TSPAN32: variants seen among roughly 807,000 people sequenced by gnomAD.
TSPAN32 encodes tetraspanin-32.
A neutral mutation model predicts 42.7 loss-of-function variants in TSPAN32; 47 were observed. The observed-to-expected ratio is 1.10, with a 90% CI of 0.87 to 1.40. The LOEUF is 1.40. Ranked by LOEUF, TSPAN32 falls within the 40% of genes most tolerant of loss-of-function variation. The pLI is 0.00. For missense variants in TSPAN32, 469 were observed against 424.1 expected (o/e 1.11, Z -0.93); for synonymous variants, 175 against 175.9 (o/e 0.99, Z 0.04).
At chr11:2,306,517 T>C (rs1471685812) in intron 3 of TSPAN32, among the ~76,000 whole-genome samples, 1 of 151,402 alleles carries the variant, frequency 6.6e-6, no homozygotes, top group Admixed American at 6.6e-5. Flanking sequence ...CCCAAGATCC[T>C]CTCTGCGCGG....
intron 4 of TSPAN32, among the ~76,000 whole-genome samples, chr11:2,311,971 C>T (rs1336229081): frequency 6.6e-6 from 1 of 151,880 alleles, no homozygotes; most frequent in Non-Finnish European, 1.5e-5. Flanking sequence ...CCTCGCTGAG[C>T]TCTGCTTCCC....
chr11:2,305,240 C>G (rs1230807558), intron 3 of TSPAN32, among the ~76,000 whole-genome samples: 1 of 152,216 alleles, frequency 6.6e-6, no homozygotes, highest in Non-Finnish European at 1.5e-5. Flanking sequence ...GAGGACCCAG[C>G]AGCTCCAGCA....
At chr11:2,314,060 C>T (rs1264763911) in intron 5 of TSPAN32, among the ~76,000 whole-genome samples, 10 of 151,768 alleles carry the variant, frequency 6.6e-5, no homozygotes, top group African/African-American at 2.4e-4. Flanking sequence ...TGGCTCACAC[C>T]TGTAATCCCA....
In TSPAN32 at chr11:2,313,409, G is replaced by T. The variant is rs926114511; in HGVS notation, c.355-245G>T. Among the ~76,000 whole-genome samples, 1 of 152,332 alleles carries T rather than the reference G, an allele frequency of 6.6e-6. No homozygotes were observed. Among genetic ancestry groups the T allele is most frequent in the Non-Finnish European group, 1.5e-5 (1 of 68,038 alleles). ...TCTGCTTTATCCTGCGGGACCCTCTGGGGGCAGGAGGGCCACTCTGACGGC... is the reference window on the plus strand; with the variant it reads ...TCTGCTTTATCCTGCGGGACCCTCTTGGGGCAGGAGGGCCACTCTGACGGC... On this transcript the variant is annotated intron_variant, in intron 4 of 9. Transcript: ENST00000182290. This position sits in a 1 kb window ranked among gnomAD's most constrained non-coding sequence, Gnocchi z 9.1.
intron 1 of TSPAN32, 23 bp from the exon 2 acceptor site, chr11:2,302,821 C>A: frequency 1.2e-6 from 2 of 1,603,724 alleles, no homozygotes; most frequent in Non-Finnish European, 1.7e-6. Flanking sequence ...ATGCCCCACA[C>A]TCTGAGTCTG....
chr11:2,305,342 A>C (rs1162875590), intron 3 of TSPAN32, among the ~76,000 whole-genome samples: 2 of 137,850 alleles, frequency 1.5e-5, no homozygotes, highest in African/African-American at 5.5e-5. Flanking sequence ...GGGAGGCCCC[A>C]GTGGGGAGAT....
In TSPAN32 at chr11:2,304,265, A is replaced by G; in HGVS notation, c.279+61A>G. On this transcript the variant is annotated intron_variant, in intron 3 of 9. Transcript: ENST00000182290. The surrounding 1 kb of genome is among the most constrained non-coding windows in gnomAD (Gnocchi z 4.8). ...AGAAAAGAATTAGAAAGGAGTGAAG[A>G]GCTGGCAGGGCTGTGTGCCACCCCC... 1 of 1,269,596 alleles carries G rather than the reference A, an allele frequency of 7.9e-7. No individual in the cohort carries two copies. The highest frequency in any genetic ancestry group is 1.5e-5 in the South Asian group (1 of 68,748). The allele number at this position is 1,269,596 out of a possible 1,614,324, so 78.6% of individuals were successfully genotyped here.
chr11:2,307,526 G>T (rs995493589), intron 3 of TSPAN32, among the ~76,000 whole-genome samples: 2 of 151,900 alleles, frequency 1.3e-5, no homozygotes, highest in African/African-American at 2.4e-5. Context: ...TGAAGGCAAA[G>T]GCGGCTGCCC....
Position 2,304,298 on chromosome 11 carries a change from A to C in TSPAN32, c.279+94A>C. 1 of 924,686 alleles carries C rather than the reference A, an allele frequency of 1.1e-6. No homozygotes were observed. Among genetic ancestry groups the C allele is most frequent in the Non-Finnish European group, 1.6e-6 (1 of 634,492 alleles). 57.3% of individuals were successfully genotyped at this position (924,686 alleles called of 1,614,324 possible). ...GGGCTGTGTGCCACCCCCACACCTG[A>C]GTGACCAGGCAGAACCAGAGGCCCC... On this transcript the variant is annotated intron_variant, in intron 3 of 9. Coordinates refer to ENST00000182290, the MANE Select transcript of TSPAN32 (RefSeq NM_139022.3). The surrounding 1 kb of genome is among the most constrained non-coding windows in gnomAD (Gnocchi z 4.8).
chr11:2,305,375 C>CG (rs1564956248), intron 3 of TSPAN32, among the ~76,000 whole-genome samples: 2 of 149,500 alleles, frequency 1.3e-5, no homozygotes, highest in Admixed American at 6.7e-5. Flanking sequence ...AGTCTGCCCC[C>CG]CCCCCCAGAG....
Position 2,314,465 on chromosome 11 carries a change from C to A in TSPAN32, c.457-20C>A. ...GGGTCTCGGGAGCACATCACCACTC[C>A]CTCCCTTCTGTTCCTGTAGTTTCTG... On this transcript the variant is annotated intron_variant, in intron 5 of 9. Transcript: ENST00000182290. 1 of 1,600,202 alleles carries A rather than the reference C, an allele frequency of 6.2e-7. No homozygotes were observed. The highest frequency in any genetic ancestry group is 2.2e-5 in the East Asian group (1 of 44,550).
Position 2,304,755 on chromosome 11 carries a change from C to T in TSPAN32, c.279+551C>T, listed in dbSNP as rs1358637369. Among the ~76,000 whole-genome samples, 2 of 152,078 alleles carry T rather than the reference C, an allele frequency of 1.3e-5. No individual in the cohort carries two copies. Among genetic ancestry groups the T allele is most frequent in the African/African-American group, 4.8e-5 (2 of 41,398 alleles). On this transcript the variant is annotated intron_variant, in intron 3 of 9. Coordinates refer to ENST00000182290, the MANE Select transcript of TSPAN32 (RefSeq NM_139022.3). This position sits in a 1 kb window ranked among gnomAD's most constrained non-coding sequence, Gnocchi z 4.8. ...TCCCATAGGCCCCTCCACCCCACCC[C>T]ATAGCAGTGGCCTCTTGTCACCCTC...
rs938889391 is a variant in TSPAN32, at chr11:2,317,342, A to G, written c.720-2A>G. ...CAGCCCCATGATCCCCTTGCTCCTC[A>G]GAGCATGTGGCCGCCAGCCCCAGGA... is the stretch of plus-strand genomic sequence containing the variant. On this transcript the variant is annotated splice_acceptor_variant, in intron 8 of 9. Transcript: ENST00000182290. LOFTEE classifies it high-confidence loss of function. This position sits in a 1 kb window ranked among gnomAD's most constrained non-coding sequence, Gnocchi z 6.2. 1.5e-5 allele frequency: 23 copies of G among 1,585,142 alleles called. No homozygotes were observed. Among genetic ancestry groups the G allele is most frequent in the Non-Finnish European group, 1.9e-5 (22 of 1,165,844 alleles).
At chr11:2,305,374 C>CCA (rs1554938611) in intron 3 of TSPAN32, among the ~76,000 whole-genome samples, 3 of 149,480 alleles carry the variant, frequency 2.0e-5, no homozygotes, top group African/African-American at 7.4e-5. Flanking sequence ...TAGTCTGCCC[C>CCA]CCCCCCCAGA....
Position 2,313,943 on chromosome 11 carries a change from G to A in TSPAN32, c.456+188G>A, listed in dbSNP as rs1414308481. ...CCCTCTGTCTGCCCAGGACAAGGCC[G>A]CCTACCAGATTCTCGAGGCCCAGTG... On this transcript the variant is annotated intron_variant, in intron 5 of 9. Transcript: ENST00000182290. The surrounding 1 kb of genome is among the most constrained non-coding windows in gnomAD (Gnocchi z 9.1). Among the ~76,000 whole-genome samples the A allele has an allele frequency of 3.9e-5, 6 of 152,060 alleles. No homozygotes were observed. Among genetic ancestry groups the A allele is most frequent in the Admixed American group, 6.5e-5 (1 of 15,282 alleles).
At chr11:2,309,468 G>A (rs926900777) in intron 4 of TSPAN32, 28 of 422,236 alleles carry the variant, frequency 6.6e-5, no homozygotes, top group Non-Finnish European at 1.0e-4. Context: ...ATGAGAGCTC[G>A]GTAGCAGAGC....
In TSPAN32 at chr11:2,317,254, C is replaced by T; in HGVS notation, c.720-90C>T. ...CCCCTCCAGAACATTCTGCAACAGC[C>T]CCATGATCCCCTCTAGAACATTCCA... On this transcript the variant is annotated intron_variant, in intron 8 of 9. Transcript: ENST00000182290. This position sits in a 1 kb window ranked among gnomAD's most constrained non-coding sequence, Gnocchi z 6.2. 1 of 1,017,280 alleles carries T rather than the reference C, an allele frequency of 9.8e-7. No individual in the cohort carries two copies. 63.0% of individuals were successfully genotyped at this position (1,017,280 alleles called of 1,614,324 possible).
chr11:2,311,739 G>A (rs1329214707), intron 4 of TSPAN32, among the ~76,000 whole-genome samples: 3 of 152,212 alleles, frequency 2.0e-5, no homozygotes, highest in African/African-American at 7.2e-5. Flanking sequence ...AAAAGCCCCC[G>A]GGCACCGGAA....
Position 2,313,585 on chromosome 11 carries a change from C to T in TSPAN32, c.355-69C>T, listed in dbSNP as rs1222310952. 1.0e-5 allele frequency: 13 copies of T among 1,279,170 alleles called. No homozygotes were observed. The highest frequency in any genetic ancestry group is 5.2e-5 in the South Asian group (4 of 77,328). The allele number at this position is 1,279,170 out of a possible 1,614,324, so 79.2% of individuals were successfully genotyped here. On this transcript the variant is annotated intron_variant, in intron 4 of 9. Transcript: ENST00000182290. The surrounding 1 kb of genome is among the most constrained non-coding windows in gnomAD (Gnocchi z 9.1). The stretch of plus-strand genomic sequence containing the variant: ...AAGGGCCCACTAGCGTTTGGGATGT[C>T]GTGGGGAGGGGGCTGTGTCCCCGGA...
Sources: gnomAD v4.1 joint callset for allele counts (sites outside exome capture counted in the v4.1 genomes callset) on GRCh38, gnomAD v4.1.1 for gene constraint, Gnocchi (gnomAD v3.1) non-coding constraint, MANE v1.5 for transcripts, NCBI Gene and HGNC (gene_info 2026-07-23, HGNC 2026-07-21) for gene names.